Variants in SLC8A2 observed in about 807,000 individuals in gnomAD.
SLC8A2 encodes the protein solute carrier family 8 member A2, also known as sodium/calcium exchanger 2.
Under a neutral mutation model 70.2 loss-of-function variants are expected in SLC8A2, and 14 were observed. That is an observed-to-expected ratio of 0.20 (90% CI 0.13 to 0.31). SLC8A2 has a LOEUF of 0.31. Among genes scored for constraint, SLC8A2 ranks in the 10% least tolerant of loss-of-function variants. SLC8A2 has a pLI of 1.00. For synonymous variants in SLC8A2, 575 were observed against 594.3 expected (o/e 0.97, Z 0.47); for missense variants, 779 against 1,320.1 (o/e 0.59, Z 6.35).
intron 1 of SLC8A2, among the ~76,000 whole-genome samples, chr19:47,470,872 C>T (rs1157778580): frequency 6.6e-6 from 1 of 151,902 alleles, no homozygotes. Flanking sequence ...GGGTGGGTGC[C>T]GGCTGGGAGG....
rs1966898314 is a variant in SLC8A2 at position 47,428,181 on chromosome 19, G to A, written c.*1908C>T. The A allele has an allele frequency of 6.6e-6, 1 of 152,190 alleles. No individual in the cohort carries two copies. Among genetic ancestry groups the A allele is most frequent in the African/African-American group, 2.4e-5 (1 of 41,416 alleles). 9.4% of individuals were successfully genotyped at this position (152,190 alleles called of 1,614,324 possible). A position where few individuals can be genotyped will look rare whatever the true frequency, so the allele number is the denominator to read the frequency against. On this transcript the variant is annotated 3_prime_UTR_variant, in exon 10 of 10. Coordinates refer to ENST00000236877, the MANE Select transcript of SLC8A2 (RefSeq NM_015063.3). ...TGGCTAGTGGAAGCCCCTGACTGAA[G>A]CAGGAAGGCGTGGCTGAAGCACGAC...
At position 47,466,350 on chromosome 19, in the gene SLC8A2, G is replaced by A; in HGVS notation, c.54C>T (p.Cys18=). ...AGGGGGTTGGGGTGGCTGCCCCGGA[G>A]CATGGGGGAGCCGCCAGGAGGAGTG... ...GVTLLLAAPP[C]SGAATPTPSL... Residue 18 remains cysteine (C), a synonymous_variant, in exon 2 of 10, where the codon TGC becomes TGT. Coordinates refer to ENST00000236877, the MANE Select transcript of SLC8A2 (RefSeq NM_015063.3). The surrounding 1 kb of genome is among the most constrained non-coding windows in gnomAD (Gnocchi z 6.9). The A allele has an allele frequency of 6.9e-7, 1 of 1,448,410 alleles. No individual in the cohort carries two copies. Among genetic ancestry groups the A allele is most frequent in the Non-Finnish European group, 9.1e-7 (1 of 1,100,334 alleles). 89.7% of individuals were successfully genotyped at this position (1,448,410 alleles called of 1,614,324 possible). A position where few individuals can be genotyped will look rare whatever the true frequency, so the allele number is the denominator to read the frequency against.
At chr19:47,453,133 A>G (rs1026183425) in intron 3 of SLC8A2, among the ~76,000 whole-genome samples, 20 of 152,228 alleles carry the variant, frequency 1.3e-4, no homozygotes, top group African/African-American at 4.8e-4. Context: ...GAATCTTGGA[A>G]AAACTGTGCT....
At chr19:47,440,019 G>A (rs1284669106) in intron 6 of SLC8A2, among the ~76,000 whole-genome samples, 1 of 152,108 alleles carries the variant, frequency 6.6e-6, no homozygotes, top group African/African-American at 2.4e-5. Flanking sequence ...GTTTGTTATA[G>A]CAGCTTGTAT....
In SLC8A2 at chr19:47,468,640, C is replaced by T. The variant is rs1360267548; in HGVS notation, c.-16-2221G>A. 6.6e-6 allele frequency among the ~76,000 whole-genome samples: 1 copy of T among 152,160 alleles called. No individual in the cohort carries two copies. On this transcript the variant is annotated intron_variant, in intron 1 of 9. Transcript: ENST00000236877. This position sits in a 1 kb window ranked among gnomAD's most constrained non-coding sequence, Gnocchi z 5.1. Reference sequence around the variant, plus strand: ...TGCTCTCTCTGCCCTTTCAGGTTTCCACTCTGATGTCAGCTTCCCCAAACA... The same window carrying T: ...TGCTCTCTCTGCCCTTTCAGGTTTCTACTCTGATGTCAGCTTCCCCAAACA...
intron 3 of SLC8A2, among the ~76,000 whole-genome samples, chr19:47,455,042 G>A (rs1263170012): frequency 2.0e-5 from 3 of 152,088 alleles, no homozygotes; most frequent in African/African-American, 7.2e-5. Flanking sequence ...AGCCGAGATC[G>A]TACCACTGTA....
chr19:47,470,345 T>TCACACA (rs1555751618), intron 1 of SLC8A2, among the ~76,000 whole-genome samples: 1 of 109,142 alleles, frequency 9.2e-6, no homozygotes, highest in Non-Finnish European at 2.1e-5. Flanking sequence ...CAGGGAGACA[T>TCACACA]CATACACACA....
intron 4 of SLC8A2, among the ~76,000 whole-genome samples, chr19:47,445,726 G>T (rs1475907037): frequency 1.3e-5 from 2 of 152,154 alleles, no homozygotes; most frequent in Non-Finnish European, 2.9e-5. Context: ...TCCCAGCCTG[G>T]GGAAGCCATG....
rs1405510363 is a variant in SLC8A2 at position 47,457,493 on chromosome 19, G to C, written c.777C>G (p.Arg259=). ...TGCCGCTGCGTGGGTCGGTGCGGTA[G>C]CGCTTGTACACGTACTTGTAGAAGA... ...RLLFYKYVYK[R]YRTDPRSGII... is the part of the protein sequence containing the mutation. Residue 259 remains arginine, a synonymous_variant, in exon 3 of 10, where the codon CGC becomes CGG. Coordinates refer to ENST00000236877, the MANE Select transcript of SLC8A2 (RefSeq NM_015063.3). 1.2e-6 allele frequency: 2 copies of C among 1,608,876 alleles called. No homozygotes were observed. The highest frequency in any genetic ancestry group is 1.7e-6 in the Non-Finnish European group (2 of 1,178,468).
At chr19:47,440,121 C>T (rs1329397899) in intron 6 of SLC8A2, among the ~76,000 whole-genome samples, 1 of 152,208 alleles carries the variant, frequency 6.6e-6, no homozygotes, top group African/African-American at 2.4e-5. Context: ...CTTTGTCCAT[C>T]TCCAAGCCAC....
At position 47,430,472 on chromosome 19, in the gene SLC8A2, G is replaced by C. The variant is rs748426497; in HGVS notation, c.2390-7C>G. On this transcript the variant is annotated splice_region_variant and splice_polypyrimidine_tract_variant and intron_variant, in intron 9 of 9. Coordinates refer to ENST00000236877, the MANE Select transcript of SLC8A2 (RefSeq NM_015063.3). This position sits in a 1 kb window ranked among gnomAD's most constrained non-coding sequence, Gnocchi z 5.9. ...ACCTTGCTGGCGAACGTGTCTGCGAGGCAGAGACATACAGGTCGGAGGGGC... is the reference window on the plus strand; with the variant it reads ...ACCTTGCTGGCGAACGTGTCTGCGACGCAGAGACATACAGGTCGGAGGGGC... The C allele has an allele frequency of 3.8e-6, 6 of 1,591,986 alleles. No homozygotes were observed. The African/African-American group carries it at 4.0e-5, about 11-fold the overall frequency.
rs1967184533 is a variant in SLC8A2 at position 47,447,755 on chromosome 19, G to A, written c.1763+54C>T. ...AGGCCCCGCCCCTGAGCCACATCAG[G>A]CCTCGCCCATTCCGAAGCCCCGCCC... On this transcript the variant is annotated intron_variant, in intron 4 of 9. Transcript: ENST00000236877. The surrounding 1 kb of genome is among the most constrained non-coding windows in gnomAD (Gnocchi z 5.1). 1.3e-6 allele frequency: 2 copies of A among 1,496,588 alleles called. No individual in the cohort carries two copies. 92.7% of individuals were successfully genotyped at this position (1,496,588 alleles called of 1,614,324 possible). A position where few individuals can be genotyped will look rare whatever the true frequency, so the allele number is the denominator to read the frequency against.
chr19:47,458,910 C>A (rs1371692574), intron 2 of SLC8A2, among the ~76,000 whole-genome samples: 1 of 148,620 alleles, frequency 6.7e-6, no homozygotes, highest in Admixed American at 6.7e-5. Flanking sequence ...TCTCTCCTTT[C>A]TCCCACCCCT....
chr19:47,439,099 C>G (rs921692796), intron 6 of SLC8A2, among the ~76,000 whole-genome samples: 1 of 152,076 alleles, frequency 6.6e-6, no homozygotes. Flanking sequence ...ATGTGAGCCT[C>G]GAAACTCTCT....
intron 3 of SLC8A2, among the ~76,000 whole-genome samples, chr19:47,455,814 G>A (rs1443251410): frequency 6.6e-6 from 1 of 152,194 alleles, no homozygotes; most frequent in African/African-American, 2.4e-5. Context: ...GTGCTCAGGA[G>A]GAACTGTTGA....
At chr19:47,464,501 A>G (rs1017035241) in intron 2 of SLC8A2, among the ~76,000 whole-genome samples, 1 of 152,116 alleles carries the variant, frequency 6.6e-6, no homozygotes, top group Non-Finnish European at 1.5e-5. Context: ...ACTTTTCACC[A>G]TGGCAGATGG....
intron 9 of SLC8A2, among the ~76,000 whole-genome samples, chr19:47,431,906 T>C (rs1032026553): frequency 6.6e-6 from 1 of 152,072 alleles, no homozygotes; most frequent in Non-Finnish European, 1.5e-5. Context: ...CTCTATGAAA[T>C]CCATTGTCTG....
At chr19:47,435,147 T>G (rs1469666828) in intron 8 of SLC8A2, among the ~76,000 whole-genome samples, 3 of 151,558 alleles carry the variant, frequency 2.0e-5, no homozygotes, top group Non-Finnish European at 4.4e-5. Flanking sequence ...AGGAGGAGGC[T>G]GAGGAGGCTG....
intron 3 of SLC8A2, among the ~76,000 whole-genome samples, chr19:47,456,655 A>C (rs1967306435): frequency 6.6e-6 from 1 of 152,154 alleles, no homozygotes. Context: ...GCATAGTGAG[A>C]CTCTATCTCA....
Sources: gnomAD v4.1 joint callset for allele counts (sites outside exome capture counted in the v4.1 genomes callset) on GRCh38, gnomAD v4.1.1 for gene constraint, Gnocchi (gnomAD v3.1) non-coding constraint, MANE v1.5 for transcripts, NCBI Gene and HGNC (gene_info 2026-07-23, HGNC 2026-07-21) for gene names.